WASL: variants seen among roughly 807,000 people sequenced by gnomAD.
The protein encoded by WASL is WASP like actin nucleation promoting factor.
In WASL, 20 loss-of-function variants were observed where a neutral mutation model predicts 55.5. The observed-to-expected ratio is 0.36, with a 90% CI of 0.25 to 0.52. WASL has a LOEUF of 0.52. Among genes scored for constraint, WASL ranks in the 20% least tolerant of loss-of-function variants. The pLI is 0.92. For missense variants in WASL, 504 were observed against 622.5 expected (o/e 0.81, Z 2.03); for synonymous variants, 249 against 217.6 (o/e 1.14, Z -1.27).
chr7:123,747,286 G>T (rs1422409454), intron 1 of WASL, among the ~76,000 whole-genome samples: 1 of 152,146 alleles, frequency 6.6e-6, no homozygotes, highest in Non-Finnish European at 1.5e-5. Context: ...GTGTGAATGG[G>T]GAGGGGCTTA....
intron 1 of WASL, among the ~76,000 whole-genome samples, chr7:123,720,508 A>C (rs757893948): frequency 4.6e-5 from 7 of 152,278 alleles, no homozygotes; most frequent in Non-Finnish European, 8.8e-5. Flanking sequence ...ATGTATGCAC[A>C]GAACCTTCTG....
At position 123,683,651 on chromosome 7, in the gene WASL, G is replaced by GT. The variant is rs981986028; in HGVS notation, c.*867dup. The GT allele has an allele frequency of 2.0e-5, 3 of 151,862 alleles. No individual in the cohort carries two copies. Among genetic ancestry groups the GT allele is most frequent in the Non-Finnish European group, 4.4e-5 (3 of 67,912 alleles). 9.4% of individuals were successfully genotyped at this position (151,862 alleles called of 1,614,324 possible). A position where few individuals can be genotyped will look rare whatever the true frequency, so the allele number is the denominator to read the frequency against. ...TTTTAGTACTATTCTGATTTGTATAGTTTTTTTAACCAAATATTGGAGTTA... is the reference window on the plus strand; with the variant it reads ...TTTTAGTACTATTCTGATTTGTATAGTTTTTTTTAACCAAATATTGGAGTTA... On this transcript the variant is annotated 3_prime_UTR_variant, in exon 11 of 11. Transcript: ENST00000223023.
chr7:123,684,627 C>T, intron 10 of WASL, 47 bp from the exon 11 acceptor site: 2 of 1,479,888 alleles, frequency 1.4e-6, no homozygotes, highest in Non-Finnish European at 1.8e-6. Flanking sequence ...AATAAAATGA[C>T]ATTACATAAT....
At position 123,693,079 on chromosome 7, in the gene WASL, C is replaced by T. The variant is rs78889151; in HGVS notation, c.827-212G>A. Among the ~76,000 whole-genome samples the T allele has an allele frequency of 3.7e-3, 567 of 151,746 alleles. 3 individuals carry two copies. Among genetic ancestry groups the T allele is most frequent in the African/African-American group, 0.013 (537 of 41,374 alleles). Reference sequence around the variant, plus strand: ...CCTAAAGATCACTTTCTTATTGGTTCTTAAAAAAATATGAGCTAAAACAGA... The same window carrying T: ...CCTAAAGATCACTTTCTTATTGGTTTTTAAAAAAATATGAGCTAAAACAGA... On this transcript the variant is annotated intron_variant, in intron 8 of 10. Coordinates refer to ENST00000223023, the MANE Select transcript of WASL (RefSeq NM_003941.4).
At chr7:123,697,307 A>T (rs1803509370) in intron 5 of WASL, among the ~76,000 whole-genome samples, 1 of 152,204 alleles carries the variant, frequency 6.6e-6, no homozygotes, top group African/African-American at 2.4e-5. Context: ...TATCAGAAGT[A>T]TAGAATTTAA....
chr7:123,707,398 T>C (rs1803687734), intron 2 of WASL, among the ~76,000 whole-genome samples: 1 of 152,204 alleles, frequency 6.6e-6, no homozygotes, highest in African/African-American at 2.4e-5. Context: ...TTAATCATGA[T>C]GCAGAAAGAG....
In WASL at chr7:123,748,728, A is replaced by G. The variant is rs2116834682; in HGVS notation, c.7T>C (p.Ser3Pro). 6.3e-7 allele frequency: 1 copy of G among 1,592,808 alleles called. No homozygotes were observed. Among genetic ancestry groups the G allele is most frequent in the Non-Finnish European group, 8.5e-7 (1 of 1,170,782 alleles). The stretch of plus-strand genomic sequence containing the variant: ...GGCGGCGGCGGCTGCTGCTGGACGG[A>G]GCTCATGGTTTCGCCGGCGGGGTTG... MS[S>P]VQQQPPPPRR... Residue 3 changes from serine to proline, a missense_variant, in exon 1 of 11, where the codon TCC (serine) becomes CCC (proline). Ser to Pro is a moderately conservative substitution (Grantham distance 74). This residue lies in a region of WASL where 230 missense variants were observed against 271.9 expected (regional missense o/e 0.85). Coordinates refer to ENST00000223023, the MANE Select transcript of WASL (RefSeq NM_003941.4).
At position 123,683,268 on chromosome 7, in the gene WASL, A is replaced by C. The variant is rs897306083; in HGVS notation, c.*1251T>G. Reference sequence around the variant, plus strand: ...ATAATTAGCATTATAAATATGAAACAACCACCTTTAGGCAGATTAGTGTAG... The same window carrying C: ...ATAATTAGCATTATAAATATGAAACCACCACCTTTAGGCAGATTAGTGTAG... On this transcript the variant is annotated 3_prime_UTR_variant, in exon 11 of 11. Transcript: ENST00000223023. 5 of 152,112 alleles carry C rather than the reference A, an allele frequency of 3.3e-5. No homozygotes were observed. Among genetic ancestry groups the C allele is most frequent in the East Asian group, 1.9e-4 (1 of 5,206 alleles). 9.4% of individuals were successfully genotyped at this position (152,112 alleles called of 1,614,324 possible).
intron 5 of WASL, among the ~76,000 whole-genome samples, chr7:123,699,383 G>T (rs1469245676): frequency 6.6e-6 from 1 of 151,406 alleles, no homozygotes; most frequent in Non-Finnish European, 1.5e-5. Context: ...TCTCAAAAAA[G>T]GAAAAAAAGA....
In WASL at chr7:123,709,123, T is replaced by C. The variant is rs747221096; in HGVS notation, c.218A>G (p.Gln73Arg). The C allele has an allele frequency of 2.5e-6, 4 of 1,610,542 alleles. No homozygotes were observed. The South Asian group carries it at 4.4e-5, about 18-fold the overall frequency. ...GVACLVKDNP[Q>R]RSYFLRIFDI... ...AAATATTCTTAAAAAATAAGATCTC[T>C]GTGGATTGTCCTTAACAAGACAAGC... The change falls in exon 2 of 11, where the codon CAG becomes CGG. Residue 73 changes from glutamine to arginine, a missense_variant. This residue lies in a region of WASL where 230 missense variants were observed against 271.9 expected (regional missense o/e 0.85). Transcript: ENST00000223023.
chr7:123,692,308 A>G, intron 9 of WASL, 39 bp downstream of exon 9: 6 of 1,572,240 alleles, frequency 3.8e-6, no homozygotes, highest in Non-Finnish European at 5.1e-6. Context: ...TTCCATTATG[A>G]TAAAGGATCT....
Position 123,682,348 on chromosome 7 carries a change from CTG to C in WASL, c.*2169_*2170del, listed in dbSNP as rs1803210007. The C allele has an allele frequency of 6.6e-6, 1 of 152,110 alleles. No individual in the cohort carries two copies. Among genetic ancestry groups the C allele is most frequent in the Non-Finnish European group, 1.5e-5 (1 of 68,008 alleles). 9.4% of individuals were successfully genotyped at this position (152,110 alleles called of 1,614,324 possible). On this transcript the variant is annotated 3_prime_UTR_variant, in exon 11 of 11. Coordinates refer to ENST00000223023, the MANE Select transcript of WASL (RefSeq NM_003941.4). ...ATGCCTGGACTGAACTCCACAGCTGCTGTGTTTCAACCAACAGTAATTTAGAC... is the reference window on the plus strand; with the variant it reads ...ATGCCTGGACTGAACTCCACAGCTGCTGTTTCAACCAACAGTAATTTAGAC...
At chr7:123,710,439 A>G (rs1803736709) in intron 1 of WASL, among the ~76,000 whole-genome samples, 2 of 152,084 alleles carry the variant, frequency 1.3e-5, no homozygotes, top group African/African-American at 4.8e-5. Flanking sequence ...ATTTGAAGAT[A>G]TGCTGTTTTA....
chr7:123,704,540 G>T, intron 5 of WASL, 94 bp downstream of exon 5: 1 of 999,606 alleles, frequency 1.0e-6, no homozygotes, highest in East Asian at 2.8e-5. Flanking sequence ...ACATGTAAAA[G>T]ATACTAAATA....
chr7:123,728,498 T>C (rs1804087829), intron 1 of WASL, among the ~76,000 whole-genome samples: 1 of 152,152 alleles, frequency 6.6e-6, no homozygotes, highest in Non-Finnish European at 1.5e-5. Flanking sequence ...TCCATAAATG[T>C]GTCCACTGAT....
At chr7:123,703,155 C>A (rs749382556) in intron 5 of WASL, among the ~76,000 whole-genome samples, 1 of 152,128 alleles carries the variant, frequency 6.6e-6, no homozygotes, top group Non-Finnish European at 1.5e-5. Flanking sequence ...ATTTATATAT[C>A]CTGAGACATG....
At chr7:123,706,160 C>G in intron 4 of WASL, 117 bp downstream of exon 4, 1 of 951,322 alleles carries the variant, frequency 1.1e-6, no homozygotes, top group Non-Finnish European at 1.6e-6. Context: ...AACATGTAAA[C>G]CAATGAATAC....
At chr7:123,746,493 A>T (rs1804432836) in intron 1 of WASL, among the ~76,000 whole-genome samples, 1 of 152,226 alleles carries the variant, frequency 6.6e-6, no homozygotes, top group African/African-American at 2.4e-5. Flanking sequence ...TAATCAGCCA[A>T]GGGAGGAAAA....
At chr7:123,719,955 C>T (rs1202637933) in intron 1 of WASL, among the ~76,000 whole-genome samples, 1 of 152,130 alleles carries the variant, frequency 6.6e-6, no homozygotes, top group Non-Finnish European at 1.5e-5. Flanking sequence ...TGCCTAGGAA[C>T]CTTCATTATA....
Sources: allele counts gnomAD v4.1 joint callset (sites outside exome capture counted in the v4.1 genomes callset), GRCh38; gene constraint gnomAD v4.1.1; regional missense constraint gnomAD v4.1.1; transcripts MANE v1.5; gene names NCBI Gene and HGNC (gene_info 2026-07-23, HGNC 2026-07-21).